UBXN2A: variants seen among roughly 807,000 people sequenced by gnomAD.
UBXN2A encodes the protein UBX domain-containing protein 2A.
A neutral mutation model predicts 28.4 loss-of-function variants in UBXN2A; 28 were observed. That is an observed-to-expected ratio of 0.99 (90% confidence interval 0.73 to 1.35). The LOEUF is 1.35. Among genes scored for constraint, UBXN2A ranks in the 40% most tolerant of loss-of-function variants. The probability of loss-of-function intolerance (pLI) is 0.00; values close to 1 mark genes in which losing one functional copy is unlikely to be tolerated. For synonymous variants in UBXN2A, 97 were observed against 103.6 expected (o/e 0.94, Z 0.39); for missense variants, 253 against 297.9 (o/e 0.85, Z 1.11).
chr2:23,997,595 G>A (rs1172867987), intron 6 of UBXN2A, among the ~76,000 whole-genome samples: 1 of 151,292 alleles, frequency 6.6e-6, no homozygotes, highest in Admixed American at 6.6e-5. Flanking sequence ...GGGACTACAG[G>A]CACCACCACA....
intron 3 of UBXN2A, 26 bp downstream of exon 3, chr2:23,971,440 T>C (rs756100728): frequency 1.3e-6 from 2 of 1,504,588 alleles, no homozygotes; most frequent in Non-Finnish European, 9.0e-7. Context: ...TTACTTTTCT[T>C]TTTCTTTCAG....
At chr2:23,938,550 CCT>C (rs1253494920), upstream of UBXN2A, among the ~76,000 whole-genome samples, 2 of 142,846 alleles carry the variant, frequency 1.4e-5, no homozygotes, top group African/African-American at 5.8e-5. Context: ...GTGGCCCCCC[CCT>C]CCCTTTTTTT....
upstream of UBXN2A, among the ~76,000 whole-genome samples, chr2:23,940,161 C>T (rs1398524305): frequency 6.6e-6 from 1 of 151,256 alleles, no homozygotes; most frequent in Non-Finnish European, 1.5e-5. Context: ...CTTCGTTGTC[C>T]ACAGGGCTCA....
At chr2:23,969,917 C>G (rs1707342906) in intron 2 of UBXN2A, among the ~76,000 whole-genome samples, 1 of 152,156 alleles carries the variant, frequency 6.6e-6, no homozygotes, top group Admixed American at 6.5e-5. Context: ...GATGCATTAT[C>G]CCCTTTAGTT....
chr2:23,977,510 C>T (rs1299005254), intron 4 of UBXN2A, among the ~76,000 whole-genome samples: 1 of 151,986 alleles, frequency 6.6e-6, no homozygotes, highest in African/African-American at 2.4e-5. Context: ...AGTGTGGTGG[C>T]ACATGCCTGT....
chr2:23,933,009 G>A (rs1334288533), intron 1 of UBXN2A, among the ~76,000 whole-genome samples: 1 of 152,116 alleles, frequency 6.6e-6, no homozygotes, highest in Non-Finnish European at 1.5e-5. Context: ...GGAGGCTGAC[G>A]CAGGAGAATT....
At chr2:23,989,387 T>G (rs528614659) in intron 6 of UBXN2A, among the ~76,000 whole-genome samples, 38 of 149,734 alleles carry the variant, frequency 2.5e-4, no homozygotes, top group Non-Finnish European at 4.7e-4. Flanking sequence ...CACTGCAGCC[T>G]CCACCTCCCC....
chr2:23,971,469 C>G, intron 3 of UBXN2A, 55 bp downstream of exon 3: 1 of 1,448,420 alleles, frequency 6.9e-7, no homozygotes, highest in Non-Finnish European at 9.2e-7. Context: ...AATATATGGA[C>G]CTGTTAGAGG....
At chr2:23,944,000 C>T (rs1280316511) in intron 1 of UBXN2A, 17 of 500,518 alleles carry the variant, frequency 3.4e-5, no homozygotes, top group Non-Finnish European at 5.8e-5. Flanking sequence ...CAAACCGTCC[C>T]GTATCTCCCC....
chr2:23,951,413 GATATATATATATATATATATAT>G (rs57701448), intron 1 of UBXN2A, among the ~76,000 whole-genome samples: 4,074 of 109,912 alleles, frequency 0.037, 144 homozygotes, highest in Non-Finnish European at 0.046. Flanking sequence ...CAGTAAGATG[GATATATATATATATATATATAT>G]ATATATATAT....
At chr2:23,957,860 A>G (rs934958225) in intron 1 of UBXN2A, among the ~76,000 whole-genome samples, 6 of 152,182 alleles carry the variant, frequency 3.9e-5, no homozygotes, top group Non-Finnish European at 7.4e-5. Flanking sequence ...AATAAATAAT[A>G]AATGTGATCC....
Position 23,999,763 on chromosome 2 carries a change from T to C in UBXN2A, c.676T>C (p.Leu226=). Residue 226 remains leucine (L), a synonymous_variant, in exon 7 of 7, where the codon TTG becomes CTG. Transcript: ENST00000309033. The part of the protein sequence containing the change: ...SLATALPVLR[L]LDETLTLEEA... ...GGCAACAGCTCTTCCTGTCCTCAGGTTGCTAGATGAGACACTCACACTGGA... is the reference window on the plus strand; with the variant it reads ...GGCAACAGCTCTTCCTGTCCTCAGGCTGCTAGATGAGACACTCACACTGGA... 1 of 1,614,130 alleles carries C rather than the reference T, an allele frequency of 6.2e-7. No individual in the cohort carries two copies. Among genetic ancestry groups the C allele is most frequent in the Non-Finnish European group, 8.5e-7 (1 of 1,180,020 alleles).
At chr2:23,978,122 C>T (rs1436401872) in intron 4 of UBXN2A, among the ~76,000 whole-genome samples, 2 of 152,124 alleles carry the variant, frequency 1.3e-5, no homozygotes, top group Non-Finnish European at 2.9e-5. Flanking sequence ...GCCACCACGC[C>T]TGGCCAACAA....
upstream of UBXN2A, chr2:23,939,482 G>C (rs1705641824): frequency 6.6e-6 from 1 of 152,404 alleles, no homozygotes; most frequent in African/African-American, 2.4e-5. Context: ...GAGAAGACTG[G>C]AGGTGGCAGC....
chr2:23,943,891 G>C (rs531862524), intron 1 of UBXN2A: 1 of 401,590 alleles, frequency 2.5e-6, no homozygotes. Context: ...CATTGCCTCC[G>C]AGCGCACTTT....
At chr2:23,949,533 G>GC (rs1267108636) in intron 1 of UBXN2A, among the ~76,000 whole-genome samples, 2 of 151,612 alleles carry the variant, frequency 1.3e-5, no homozygotes, top group Non-Finnish European at 2.9e-5. Flanking sequence ...GGGCAACAGA[G>GC]CAAGACTTCA....
intron 1 of UBXN2A, among the ~76,000 whole-genome samples, chr2:23,951,453 T>C (rs1016737629): frequency 1.5e-5 from 2 of 133,108 alleles, no homozygotes; most frequent in East Asian, 4.2e-4. Context: ...TATATATATA[T>C]ATATATATAT....
chr2:23,971,760 G>A (rs183062370), intron 3 of UBXN2A, among the ~76,000 whole-genome samples: 24 of 152,182 alleles, frequency 1.6e-4, no homozygotes, highest in Non-Finnish European at 2.8e-4. Context: ...AAAGTGCTGG[G>A]ATTATAGGTG....
chr2:23,999,172 C>G (rs1708652172), intron 6 of UBXN2A, among the ~76,000 whole-genome samples: 2 of 152,124 alleles, frequency 1.3e-5, no homozygotes, highest in African/African-American at 4.8e-5. Flanking sequence ...ATTTTAGCAT[C>G]TGTGAAATGA....
Sources: allele counts gnomAD v4.1 joint callset (sites outside exome capture counted in the v4.1 genomes callset), GRCh38; gene constraint gnomAD v4.1.1; transcripts MANE v1.5; gene names NCBI Gene and HGNC (gene_info 2026-07-23, HGNC 2026-07-21).